UBAC2: variants seen among roughly 807,000 people sequenced by gnomAD.
The protein encoded by UBAC2 is ubiquitin-associated domain-containing protein 2.
In UBAC2, 26 loss-of-function variants were observed where a neutral mutation model predicts 44.0. The observed-to-expected ratio is 0.59, with a 90% CI of 0.43 to 0.82. UBAC2 has a LOEUF of 0.82. Among genes scored for constraint, UBAC2 ranks in the 40% least tolerant of loss-of-function variants. The pLI is 0.00. For synonymous variants in UBAC2, 155 were observed against 154.3 expected (o/e 1.00, Z -0.04); for missense variants, 329 against 419.4 (o/e 0.78, Z 1.88).
In UBAC2 at chr13:99,242,406, G is replaced by A. The variant is rs1331830629; in HGVS notation, c.160-1426G>A. On this transcript the variant is annotated intron_variant, in intron 2 of 8. Coordinates refer to ENST00000403766, the MANE Select transcript of UBAC2 (RefSeq NM_001144072.2). ...TCCTCACTTCCCAGTAGGGGCGGCC[G>A]GGCAGAGGCGCCCCTCACCTCCCAG... Among the ~76,000 whole-genome samples, 57 of 144,446 alleles carry A rather than the reference G, an allele frequency of 3.9e-4. 1 individual carries two copies. Among genetic ancestry groups the A allele is most frequent in the African/African-American group, 1.1e-3 (41 of 38,708 alleles). 94.8% of individuals were successfully genotyped at this position (144,446 alleles called of 152,430 possible).
intron 4 of UBAC2, among the ~76,000 whole-genome samples, chr13:99,292,836 A>C (rs888150726): frequency 2.0e-5 from 3 of 152,184 alleles, no homozygotes; most frequent in Admixed American, 1.3e-4. Flanking sequence ...TCATGGAGAA[A>C]ATACTTATAG....
intron 4 of UBAC2, among the ~76,000 whole-genome samples, chr13:99,275,108 A>G (rs980985098): frequency 3.3e-5 from 5 of 152,150 alleles, no homozygotes; most frequent in Non-Finnish European, 5.9e-5. Flanking sequence ...CATAGTGTAT[A>G]CATATGTTTA....
intron 1 of UBAC2, 181 bp downstream of exon 1, chr13:99,201,120 C>A (rs1412855451): frequency 3.0e-6 from 4 of 1,350,400 alleles, no homozygotes; most frequent in Non-Finnish European, 2.9e-6. Flanking sequence ...GCCCCCATTT[C>A]GGCCTGGAGG....
intron 2 of UBAC2, among the ~76,000 whole-genome samples, chr13:99,242,142 T>C (rs938961558): frequency 6.6e-6 from 1 of 150,502 alleles, no homozygotes; most frequent in African/African-American, 2.4e-5. Context: ...TACTTCTTTC[T>C]ACACAGAGAC....
intron 4 of UBAC2, among the ~76,000 whole-genome samples, chr13:99,259,631 A>T (rs2043627475): frequency 6.6e-6 from 1 of 152,206 alleles, no homozygotes; most frequent in Non-Finnish European, 1.5e-5. Flanking sequence ...AGGACTTCTT[A>T]TGGCTGAATC....
At chr13:99,259,840 T>C (rs1472634143) in intron 4 of UBAC2, among the ~76,000 whole-genome samples, 2 of 152,248 alleles carry the variant, frequency 1.3e-5, no homozygotes, top group African/African-American at 2.4e-5. Flanking sequence ...TGATGGCATG[T>C]GTCTAGAAGA....
chr13:99,305,974 C>T (rs548948438), intron 4 of UBAC2, among the ~76,000 whole-genome samples: 205 of 152,282 alleles, frequency 1.3e-3, no homozygotes, highest in African/African-American at 4.2e-3. Flanking sequence ...CGGCTCACTG[C>T]AACCTCCGCC....
chr13:99,290,837 T>G (rs1333193860), intron 4 of UBAC2, among the ~76,000 whole-genome samples: 5 of 151,404 alleles, frequency 3.3e-5, no homozygotes, highest in African/African-American at 1.2e-4. Context: ...ATCCCATGAA[T>G]GAGAGAAAAG....
chr13:99,266,491 A>G (rs888486758), intron 4 of UBAC2, among the ~76,000 whole-genome samples: 4 of 152,168 alleles, frequency 2.6e-5, no homozygotes, highest in Non-Finnish European at 5.9e-5. Flanking sequence ...TTACTCTAAA[A>G]CATTTTGGCT....
At chr13:99,330,446 G>A (rs1455981240) in intron 6 of UBAC2, among the ~76,000 whole-genome samples, 1 of 38,216 alleles carries the variant, frequency 2.6e-5, no homozygotes, top group African/African-American at 8.2e-5. Context: ...GTGACAGAGT[G>A]AGACGTCATC....
intron 7 of UBAC2, among the ~76,000 whole-genome samples, chr13:99,367,283 T>G (rs756990360): frequency 6.6e-6 from 1 of 152,232 alleles, no homozygotes; most frequent in Non-Finnish European, 1.5e-5. Flanking sequence ...CTCCACTGTG[T>G]GCGCTCAGGA....
rs11838471 is a variant in UBAC2 at position 99,257,291 on chromosome 13, A to C, written c.389+12667A>C. 3.7e-3 allele frequency among the ~76,000 whole-genome samples: 570 copies of C among 152,336 alleles called. 6 individuals are homozygous for C. Among genetic ancestry groups the C allele is most frequent in the South Asian group, 0.011 (52 of 4,826 alleles). On this transcript the variant is annotated intron_variant, in intron 4 of 8. Transcript: ENST00000403766. ...ATATCTCTAGTGTCATTCAAAGGAG[A>C]GTAATCTTGGAGGCTTAAATCTTAT...
chr13:99,339,276 C>T (rs1245837880), intron 6 of UBAC2, among the ~76,000 whole-genome samples: 1 of 152,238 alleles, frequency 6.6e-6, no homozygotes, highest in Non-Finnish European at 1.5e-5. Context: ...GCTCAAGTAT[C>T]ACTTTCTCTG....
At chr13:99,351,837 G>T (rs1487898216) in intron 7 of UBAC2, 1 of 452,010 alleles carries the variant, frequency 2.2e-6, no homozygotes, top group African/African-American at 2.0e-5. Flanking sequence ...ATCTCATTGG[G>T]CTGCCCGGTG....
intron 7 of UBAC2, chr13:99,356,104 AGACTTGG>A (rs753954480): frequency 1.9e-6 from 1 of 515,902 alleles, no homozygotes; most frequent in South Asian, 1.4e-5. Context: ...AAAGTAAACA[AGACTTGG>A]GACACATGTC....
chr13:99,350,309 A>G (rs996201745), intron 7 of UBAC2, among the ~76,000 whole-genome samples: 2 of 152,128 alleles, frequency 1.3e-5, no homozygotes, highest in East Asian at 1.9e-4. Context: ...TTTCACATGG[A>G]TGACTGATGT....
chr13:99,321,044 T>A (rs950941121), intron 6 of UBAC2, among the ~76,000 whole-genome samples: 2 of 152,244 alleles, frequency 1.3e-5, no homozygotes, highest in African/African-American at 2.4e-5. Flanking sequence ...TTACAAAACC[T>A]GTTGATGAGA....
intron 4 of UBAC2, among the ~76,000 whole-genome samples, chr13:99,301,839 CG>C (rs2044261696): frequency 6.6e-6 from 1 of 152,140 alleles, no homozygotes; most frequent in Admixed American, 6.5e-5. Context: ...TTACCATATT[CG>C]GGGATTTAGT....
chr13:99,300,924 A>G (rs1442419411), intron 4 of UBAC2, among the ~76,000 whole-genome samples: 2 of 152,184 alleles, frequency 1.3e-5, no homozygotes, highest in African/African-American at 2.4e-5. Flanking sequence ...TCTTAAGTAT[A>G]TTTTAAGTAT....
Sources: allele counts gnomAD v4.1 joint callset (sites outside exome capture counted in the v4.1 genomes callset), GRCh38; gene constraint gnomAD v4.1.1; transcripts MANE v1.5; gene names NCBI Gene and HGNC (gene_info 2026-07-23, HGNC 2026-07-21).